DIP2B: variants seen among roughly 807,000 people sequenced by gnomAD.
The protein encoded by DIP2B is DIP2 acetate--CoA ligase B (putative), also known as disco-interacting protein 2 homolog B.
In DIP2B, 76 loss-of-function variants were observed where a neutral mutation model predicts 198.0. The ratio of observed to expected loss-of-function variants is 0.38; its 90% CI spans 0.32 to 0.46. DIP2B has a LOEUF of 0.46. Among genes scored for constraint, DIP2B ranks in the 20% least tolerant of loss-of-function variants. The pLI, the probability that DIP2B is intolerant of heterozygous loss-of-function variation, is 0.99. For missense variants in DIP2B, 1,559 were observed against 1,978.4 expected (o/e 0.79, Z 4.02); for synonymous variants, 701 against 739.1 (o/e 0.95, Z 0.84).
At position 50,586,562 on chromosome 12, in the gene DIP2B, G is replaced by A. The variant is rs368415763; in HGVS notation, c.101-39414G>A. ...ATATGCATAATGACAGTGATTTTACGTAAAACAAACAAACAACATTTTTTA... is the reference window on the plus strand; with the variant it reads ...ATATGCATAATGACAGTGATTTTACATAAAACAAACAAACAACATTTTTTA... On this transcript the variant is annotated intron_variant, in intron 1 of 37. Transcript: ENST00000301180. 3.0e-4 allele frequency among the ~76,000 whole-genome samples: 46 copies of A among 152,288 alleles called. No homozygotes were observed. In the South Asian group the frequency reaches 7.9e-3, roughly 26 times the overall value.
intron 5 of DIP2B, among the ~76,000 whole-genome samples, chr12:50,672,669 G>A (rs888342461): frequency 1.3e-5 from 2 of 152,112 alleles, no homozygotes; most frequent in East Asian, 3.8e-4. Flanking sequence ...TGTAACAGGA[G>A]TAATTCATGA....
intron 1 of DIP2B, among the ~76,000 whole-genome samples, chr12:50,619,172 T>C (rs148898374): frequency 9.5e-4 from 145 of 152,304 alleles, no homozygotes; most frequent in African/African-American, 3.4e-3. Flanking sequence ...CCATTAAGAC[T>C]GCTCCCGATA....
chr12:50,731,436 C>G lies in DIP2B; in HGVS notation c.3709C>G (p.Leu1237Val). The G allele has an allele frequency of 6.2e-7, 1 of 1,614,178 alleles. No homozygotes were observed. Among genetic ancestry groups the G allele is most frequent in the Non-Finnish European group, 8.5e-7 (1 of 1,180,016 alleles). The change falls in exon 31 of 38, where the codon CTC becomes GTC. Residue 1237 changes from leucine (L) to valine (V), a missense_variant. Transcript: ENST00000301180. ...MELENNLFLW[L>V]STVNQYKIRD... The stretch of plus-strand genomic sequence containing the variant: ...GTTAGAGAACAACCTTTTCCTCTGG[C>G]TCTCCACAGTCAACCAGTACAAAAT...
At chr12:50,672,873 T>C (rs1013778514) in intron 5 of DIP2B, among the ~76,000 whole-genome samples, 3 of 152,240 alleles carry the variant, frequency 2.0e-5, no homozygotes, top group African/African-American at 7.2e-5. Context: ...CTGCTTTTCT[T>C]AGCAGTATGT....
Position 50,602,807 on chromosome 12 carries a change from C to T in DIP2B, c.101-23169C>T, listed in dbSNP as rs1476411530. Among the ~76,000 whole-genome samples, 7 of 144,162 alleles carry T rather than the reference C, an allele frequency of 4.9e-5. No individual in the cohort carries two copies. In the South Asian group the frequency reaches 1.1e-3, roughly 22 times the overall value. 94.6% of individuals were successfully genotyped at this position (144,162 alleles called of 152,430 possible). On this transcript the variant is annotated intron_variant, in intron 1 of 37. Coordinates refer to ENST00000301180, the MANE Select transcript of DIP2B (RefSeq NM_173602.3). ...CTGAGAGGTGGAGGTTGCAGTGAGC[C>T]GAGATCATACCACTGCACTCCAGCC...
chr12:50,674,395 T>TA, intron 5 of DIP2B, 79 bp from the exon 6 acceptor site: 1 of 1,533,986 alleles, frequency 6.5e-7, no homozygotes, highest in Non-Finnish European at 8.9e-7. Context: ...TCTTCCTTGT[T>TA]AAAAAACAAA....
At chr12:50,733,736 T>G (rs893685424) in intron 32 of DIP2B, among the ~76,000 whole-genome samples, 1 of 152,248 alleles carries the variant, frequency 6.6e-6, no homozygotes, top group Non-Finnish European at 1.5e-5. Context: ...AATATAGGCA[T>G]GGACAAAGTG....
chr12:50,605,264 ATTTTAGAACGT>A (rs1267880214), intron 1 of DIP2B, among the ~76,000 whole-genome samples: 1 of 152,138 alleles, frequency 6.6e-6, no homozygotes, highest in Non-Finnish European at 1.5e-5. Context: ...CTGTGATCTG[ATTTTAGAACGT>A]TTTTAGAACT....
intron 28 of DIP2B, among the ~76,000 whole-genome samples, chr12:50,725,275 C>G (rs1465649123): frequency 6.6e-6 from 1 of 152,162 alleles, no homozygotes; most frequent in Non-Finnish European, 1.5e-5. Context: ...GGTTCTGGCT[C>G]AAGCTTCATT....
chr12:50,588,676 T>G (rs913293650), intron 1 of DIP2B, among the ~76,000 whole-genome samples: 2 of 152,144 alleles, frequency 1.3e-5, no homozygotes, highest in African/African-American at 4.8e-5. Flanking sequence ...TAGCTAGAAT[T>G]CCGTCTTAAC....
rs201915004 is a variant in DIP2B, at chr12:50,741,503, C to T, written c.4442C>T (p.Thr1481Ile). Residue 1481 changes from threonine (T) to isoleucine (I), a missense_variant, in exon 37 of 38, where the codon ACC becomes ATC. Transcript: ENST00000301180. ...GLRYHPIDIETSVSRIHRSIA... is the reference protein window; with the variant it reads ...GLRYHPIDIEISVSRIHRSIA... ...CGATACCACCCAATTGATATTGAGA[C>T]CTCGGTGTCCCGGATCCACAGAAGC... is the stretch of plus-strand genomic sequence containing the variant. 2 of 1,614,078 alleles carry T rather than the reference C, an allele frequency of 1.2e-6. No individual in the cohort carries two copies. The highest frequency in any genetic ancestry group is 8.5e-7 in the Non-Finnish European group (1 of 1,179,964).
intron 1 of DIP2B, among the ~76,000 whole-genome samples, chr12:50,511,637 C>T (rs562801132): frequency 9.3e-5 from 14 of 150,334 alleles, no homozygotes; most frequent in African/African-American, 2.9e-4. Context: ...CATTTTATCT[C>T]TTAAAAAAAT....
intron 1 of DIP2B, among the ~76,000 whole-genome samples, chr12:50,621,746 G>A (rs1166814218): frequency 6.6e-6 from 1 of 152,168 alleles, no homozygotes; most frequent in African/African-American, 2.4e-5. Context: ...TTGAGCACAG[G>A]GTCTTGTAGT....
chr12:50,527,931 T>G (rs1191250601), intron 1 of DIP2B, among the ~76,000 whole-genome samples: 3 of 72,836 alleles, frequency 4.1e-5, no homozygotes, highest in Admixed American at 1.3e-4. Flanking sequence ...ATTCCTTCTG[T>G]TTTTTTTTTT....
chr12:50,680,943 A>G (rs570103160), intron 9 of DIP2B, among the ~76,000 whole-genome samples, 180 bp downstream of exon 9: 2 of 152,314 alleles, frequency 1.3e-5, no homozygotes, highest in South Asian at 2.1e-4. Context: ...CAATTCTCAC[A>G]TTCCTGGGTT....
Position 50,607,108 on chromosome 12 carries a change from C to CTT in DIP2B, c.101-18855_101-18854dup, listed in dbSNP as rs35474259. Among the ~76,000 whole-genome samples the CTT allele has an allele frequency of 6.8e-3, 974 of 144,116 alleles. 11 individuals are homozygous for CTT. The highest frequency in any genetic ancestry group is 0.019 in the African/African-American group (755 of 39,196). The allele number at this position is 144,116 out of a possible 152,430, so 94.5% of individuals were successfully genotyped here. A position where few individuals can be genotyped will look rare whatever the true frequency, so the allele number is the denominator to read the frequency against. ...AGGCATGGGCCATCATGCTTGGCTT[C>CTT]TTTTTTTTTTTTTTGAGGTTTTGAT... On this transcript the variant is annotated intron_variant, in intron 1 of 37. Transcript: ENST00000301180.
intron 1 of DIP2B, among the ~76,000 whole-genome samples, chr12:50,505,652 C>T (rs1208462110): frequency 1.3e-5 from 2 of 151,854 alleles, no homozygotes; most frequent in East Asian, 1.9e-4. Flanking sequence ...CGCCTTGTTC[C>T]AGCCCCCCCT....
At chr12:50,687,525 C>T (rs1939152730) in intron 12 of DIP2B, among the ~76,000 whole-genome samples, 2 of 152,118 alleles carry the variant, frequency 1.3e-5, no homozygotes, top group Admixed American at 1.3e-4. Context: ...GTAGAGAGAA[C>T]TTCAAAAAAT....
At chr12:50,666,910 T>C (rs1938764619) in intron 4 of DIP2B, among the ~76,000 whole-genome samples, 1 of 152,158 alleles carries the variant, frequency 6.6e-6, no homozygotes, top group African/African-American at 2.4e-5. Flanking sequence ...TAGTCCCAGC[T>C]ACTCGGGACG....
Sources: allele counts gnomAD v4.1 joint callset (sites outside exome capture counted in the v4.1 genomes callset), GRCh38; gene constraint gnomAD v4.1.1; transcripts MANE v1.5; gene names NCBI Gene and HGNC (gene_info 2026-07-23, HGNC 2026-07-21).